Variants in PSME4 observed in about 807,000 individuals in gnomAD.
PSME4 encodes proteasome activator complex subunit 4.
In PSME4, 89 loss-of-function variants were observed where a neutral mutation model predicts 253.9. That is an observed-to-expected ratio of 0.35 (90% CI 0.30 to 0.42). PSME4 has a LOEUF of 0.42. PSME4 is among the 10% of genes least tolerant of loss of function. The probability of loss-of-function intolerance (pLI) is 1.00; values close to 1 mark genes in which losing one functional copy is unlikely to be tolerated. For missense variants in PSME4, 2,014 were observed against 2,195.2 expected (o/e 0.92, Z 1.65); for synonymous variants, 851 against 759.2 (o/e 1.12, Z -1.99).
intron 3 of PSME4, among the ~76,000 whole-genome samples, chr2:53,945,329 A>T (rs1669651920): frequency 1.3e-5 from 2 of 152,204 alleles, no homozygotes; most frequent in African/African-American, 4.8e-5. Flanking sequence ...AATAATTCTT[A>T]TATCGCTAAC....
chr2:53,955,173 C>T (rs1047546403), intron 1 of PSME4, among the ~76,000 whole-genome samples: 1 of 151,658 alleles, frequency 6.6e-6, no homozygotes, highest in Admixed American at 6.6e-5. Context: ...CCTGACTCTC[C>T]AAAAATAAAA....
chr2:53,874,863 T>C (rs2104413221), intron 42 of PSME4, among the ~76,000 whole-genome samples: 1 of 152,258 alleles, frequency 6.6e-6, no homozygotes, highest in African/African-American at 2.4e-5. Context: ...GAGAATCGCA[T>C]GAACCTGGGG....
At chr2:53,925,423 T>C in intron 14 of PSME4, 116 bp downstream of exon 14, 1 of 998,574 alleles carries the variant, frequency 1.0e-6, no homozygotes, top group Non-Finnish European at 1.4e-6. Context: ...TTTAAAACTT[T>C]AGTATGAATG....
chr2:53,897,397 G>C (rs1232288764), intron 31 of PSME4, among the ~76,000 whole-genome samples: 1 of 152,008 alleles, frequency 6.6e-6, no homozygotes, highest in Admixed American at 6.5e-5. Flanking sequence ...TTGAACTCCT[G>C]ACCTCAGGTG....
At chr2:53,876,728 T>C (rs1343304980) in intron 41 of PSME4, among the ~76,000 whole-genome samples, 1 of 134,466 alleles carries the variant, frequency 7.4e-6, no homozygotes, top group Non-Finnish European at 1.6e-5. Flanking sequence ...TTTTTTTTTT[T>C]TTTTTTTTGA....
intron 42 of PSME4, 119 bp from the exon 43 acceptor site, chr2:53,874,613 T>C (rs1679037934): frequency 4.9e-6 from 5 of 1,022,920 alleles, no homozygotes; most frequent in Middle Eastern, 2.1e-4. Context: ...TACACAGGTA[T>C]AGTTAGGACA....
chr2:53,934,541 A>G, intron 8 of PSME4, 64 bp downstream of exon 8: 3 of 1,517,754 alleles, frequency 2.0e-6, no homozygotes, highest in Non-Finnish European at 8.9e-7. Flanking sequence ...ACTATCCACA[A>G]TTTTTGTAAG....
chr2:53,911,793 T>C (rs1667838291), intron 20 of PSME4, among the ~76,000 whole-genome samples: 1 of 152,220 alleles, frequency 6.6e-6, no homozygotes, highest in African/African-American at 2.4e-5. Flanking sequence ...TGTCATATTA[T>C]ACAAATTAAA....
intron 1 of PSME4, among the ~76,000 whole-genome samples, chr2:53,964,691 T>G (rs887259523): frequency 6.6e-6 from 1 of 152,240 alleles, no homozygotes; most frequent in African/African-American, 2.4e-5. Flanking sequence ...GCAGTTAGCA[T>G]TTCCTTTCTT....
At chr2:53,901,150 A>C (rs769625997) in intron 28 of PSME4, among the ~76,000 whole-genome samples, 200 bp downstream of exon 28, 5 of 152,186 alleles carry the variant, frequency 3.3e-5, no homozygotes, top group Non-Finnish European at 7.3e-5. Context: ...ACCATGCTCC[A>C]ACTTGCTACT....
Position 53,919,366 on chromosome 2 carries a change from A to G in PSME4, c.2421-120T>C, listed in dbSNP as rs987723709. ...AATGATTAAGGTAAAGAAATAGCAA[A>G]TGTCTTCAGTTTACCAACTTAACAG... On this transcript the variant is annotated intron_variant, in intron 19 of 46. Transcript: ENST00000404125. The G allele has an allele frequency of 1.7e-5, 22 of 1,306,184 alleles. No individual in the cohort carries two copies. In the Admixed American group the frequency reaches 6.0e-4, roughly 36 times the overall value. 80.9% of individuals were successfully genotyped at this position (1,306,184 alleles called of 1,614,324 possible). A position where few individuals can be genotyped will look rare whatever the true frequency, so the allele number is the denominator to read the frequency against.
intron 3 of PSME4, among the ~76,000 whole-genome samples, chr2:53,941,610 CAAA>C (rs1366451199): frequency 1.3e-5 from 2 of 151,914 alleles, no homozygotes; most frequent in African/African-American, 4.8e-5. Flanking sequence ...ATCAGAGTAA[CAAA>C]AAGCACAGAT....
chr2:53,918,637 T>C (rs1668163963), intron 20 of PSME4, among the ~76,000 whole-genome samples: 1 of 152,012 alleles, frequency 6.6e-6, no homozygotes, highest in Admixed American at 6.6e-5. Flanking sequence ...TCTAACTTAA[T>C]TTTTTTTCAC....
At position 53,925,631 on chromosome 2, in the gene PSME4, C is replaced by G; in HGVS notation, c.1717G>C (p.Glu573Gln). ...LEQTREETET[E>Q]KMTHLESLVE... ...AAACTCTCCAAGTGTGTCATTTTCT[C>G]AGTTTCTGTCTCTTCTCTTGTTTGC... is the stretch of plus-strand genomic sequence containing the variant. The change falls in exon 14 of 47, where the codon GAG becomes CAG. Residue 573 changes from glutamate (E) to glutamine (Q), a missense_variant. Physicochemically the swap from Glu to Gln is conservative, Grantham distance 29 (BLOSUM62 2). This residue lies in a region of PSME4 where 989 missense variants were observed against 1,021.1 expected (regional missense o/e 0.97). Coordinates refer to ENST00000404125, the MANE Select transcript of PSME4 (RefSeq NM_014614.3). 1.9e-6 allele frequency: 3 copies of G among 1,611,162 alleles called. No individual in the cohort carries two copies. The highest frequency in any genetic ancestry group is 1.7e-6 in the Non-Finnish European group (2 of 1,177,494).
Position 53,895,490 on chromosome 2 carries a change from T to C in PSME4, c.3842+93A>G, listed in dbSNP as rs1387068672. 4.7e-6 allele frequency: 6 copies of C among 1,269,586 alleles called. No individual in the cohort carries two copies. In the East Asian group the frequency reaches 7.2e-5, roughly 15 times the overall value. The allele number at this position is 1,269,586 out of a possible 1,614,324, so 78.6% of individuals were successfully genotyped here. A position where few individuals can be genotyped will look rare whatever the true frequency, so the allele number is the denominator to read the frequency against. ...AGGGAAGGGGAAAGATAAAAGAACC[T>C]TCAAGTGCCTCTGAACCTCCCCAGA... On this transcript the variant is annotated intron_variant, in intron 33 of 46. Transcript: ENST00000404125.
At chr2:53,881,203 T>A (rs1319525318) in intron 41 of PSME4, among the ~76,000 whole-genome samples, 1 of 152,202 alleles carries the variant, frequency 6.6e-6, no homozygotes, top group Middle Eastern at 3.2e-3. Context: ...ATTTTTCTCC[T>A]GATTATTGAA....
chr2:53,868,110 C>A (rs568724177), intron 44 of PSME4, among the ~76,000 whole-genome samples: 1 of 152,078 alleles, frequency 6.6e-6, no homozygotes, highest in South Asian at 2.1e-4. Flanking sequence ...TGAACAATAT[C>A]ATTTGGTGTA....
At chr2:53,903,395 G>A (rs805426) in intron 27 of PSME4, among the ~76,000 whole-genome samples, 43,406 of 151,804 alleles carry the variant, frequency 0.29, 6,623 homozygotes, top group South Asian at 0.48. Context: ...AGTCCCATCC[G>A]TTCTCACTCT....
At chr2:53,899,743 A>T in intron 29 of PSME4, 138 bp downstream of exon 29, 1 of 1,025,966 alleles carries the variant, frequency 9.7e-7, no homozygotes. Flanking sequence ...GCTTAAACCC[A>T]GGAGGTGAAG....
Sources: gnomAD v4.1 joint callset for allele counts (sites outside exome capture counted in the v4.1 genomes callset) on GRCh38, gnomAD v4.1.1 for gene constraint, gnomAD v4.1.1 regional missense constraint, MANE v1.5 for transcripts, NCBI Gene and HGNC (gene_info 2026-07-23, HGNC 2026-07-21) for gene names.